The following CTNNA2 variants were observed in gnomAD, a reference collection of about 807,000 sequenced individuals.
CTNNA2 encodes the protein catenin alpha-2.
Under a neutral mutation model 101.0 loss-of-function variants are expected in CTNNA2, and 42 were observed. The ratio of observed to expected loss-of-function variants is 0.42; its 90% CI spans 0.32 to 0.54. The LOEUF is 0.54. CTNNA2 is among the 20% of genes least tolerant of loss of function. CTNNA2 has a pLI of 0.14. For missense variants in CTNNA2, 871 were observed against 1,223.1 expected, an observed-to-expected ratio of 0.71 and a Z score of 4.29; for synonymous variants, 450 against 456.4, an observed-to-expected ratio of 0.99 and a Z score of 0.18.
rs965585857 is a variant in CTNNA2, at chr2:79,819,795, A to G, written c.299-38218A>G. On this transcript the variant is annotated intron_variant, in intron 3 of 18. Coordinates refer to ENST00000402739, the MANE Select transcript of CTNNA2 (RefSeq NM_001282597.3). Reference sequence around the variant, plus strand: ...TTGTATATTTCATAATAACTGAAAGAGTGGAATTAGAATGTTCCTAACACA... The same window carrying G: ...TTGTATATTTCATAATAACTGAAAGGGTGGAATTAGAATGTTCCTAACACA... Among the ~76,000 whole-genome samples, 6 of 152,294 alleles carry G rather than the reference A, an allele frequency of 3.9e-5. No homozygotes were observed. The South Asian group carries it at 1.2e-3, about 32-fold the overall frequency.
At chr2:80,499,079 A>C (rs1687678843) in intron 9 of CTNNA2, among the ~76,000 whole-genome samples, 1 of 152,226 alleles carries the variant, frequency 6.6e-6, no homozygotes, top group African/African-American at 2.4e-5. Context: ...AGCGTTAGGA[A>C]GGGCTGTCTC....
intron 7 of CTNNA2, among the ~76,000 whole-genome samples, chr2:80,315,455 C>T (rs1678022767): frequency 6.6e-6 from 1 of 152,182 alleles, no homozygotes; most frequent in Admixed American, 6.5e-5. Context: ...GATGGCTTCA[C>T]TCACAGGGAT....
chr2:79,866,904 A>G (rs983192586), intron 4 of CTNNA2, among the ~76,000 whole-genome samples: 4 of 152,160 alleles, frequency 2.6e-5, no homozygotes, highest in African/African-American at 9.7e-5. Flanking sequence ...AGACGTGAGG[A>G]TTGGAGAAGT....
chr2:79,750,820 C>T (rs1225512159), intron 3 of CTNNA2, among the ~76,000 whole-genome samples: 11 of 150,546 alleles, frequency 7.3e-5, no homozygotes, highest in East Asian at 2.0e-4. Context: ...TGCAGTGAAC[C>T]AAGATCTTGC....
At chr2:80,264,081 A>G (rs1672819408) in intron 7 of CTNNA2, among the ~76,000 whole-genome samples, 1 of 152,190 alleles carries the variant, frequency 6.6e-6, no homozygotes, top group Admixed American at 6.5e-5. Flanking sequence ...ACTTAACCAT[A>G]AATAATAGAG....
intron 3 of CTNNA2, among the ~76,000 whole-genome samples, chr2:79,334,711 A>G (rs1298956836): frequency 1.3e-5 from 2 of 152,164 alleles, no homozygotes; most frequent in African/African-American, 2.4e-5. Context: ...CTTTGACATC[A>G]GTTAAAATGA....
intron 7 of CTNNA2, among the ~76,000 whole-genome samples, chr2:79,965,336 A>C (rs1254528214): frequency 6.6e-6 from 1 of 152,200 alleles, no homozygotes; most frequent in Non-Finnish European, 1.5e-5. Context: ...GTTACATGGA[A>C]TATGTGGGTC....
intron 18 of CTNNA2, among the ~76,000 whole-genome samples, chr2:80,624,386 T>G (rs752188650): frequency 1.4e-4 from 22 of 152,036 alleles, no homozygotes; most frequent in Non-Finnish European, 1.8e-4. Context: ...TGCTAAATTC[T>G]TTGTTGTTTG....
At chr2:80,090,221 C>T (rs1699713858) in intron 7 of CTNNA2, among the ~76,000 whole-genome samples, 1 of 149,180 alleles carries the variant, frequency 6.7e-6, no homozygotes. Flanking sequence ...TCTGTGTGTG[C>T]ATGCCTACAT....
chr2:80,638,552 C>G (rs1673111597), intron 18 of CTNNA2, among the ~76,000 whole-genome samples: 1 of 152,242 alleles, frequency 6.6e-6, no homozygotes, highest in African/African-American at 2.4e-5. Flanking sequence ...TTCCAAGGGC[C>G]AACCTGTCAG....
At chr2:79,718,289 A>G (rs1173323725) in intron 2 of CTNNA2, among the ~76,000 whole-genome samples, 1 of 152,110 alleles carries the variant, frequency 6.6e-6, no homozygotes, top group African/African-American at 2.4e-5. Context: ...AATAAAAACT[A>G]ACAGAGATTG....
intron 18 of CTNNA2, among the ~76,000 whole-genome samples, chr2:80,625,217 C>CTTTTTATTA (rs1264114100): frequency 6.6e-6 from 1 of 151,926 alleles, no homozygotes; most frequent in Admixed American, 6.6e-5. Flanking sequence ...TGGGCTTTTG[C>CTTTTTATTA]TTTTTATTAG....
chr2:79,602,655 G>A (rs912653621), intron 1 of CTNNA2, among the ~76,000 whole-genome samples: 1 of 152,052 alleles, frequency 6.6e-6, no homozygotes, highest in Non-Finnish European at 1.5e-5. Flanking sequence ...AAAGAGAAAG[G>A]TTTCTGGATA....
intron 7 of CTNNA2, among the ~76,000 whole-genome samples, chr2:80,335,028 A>G (rs1300874676): frequency 6.6e-6 from 1 of 152,222 alleles, no homozygotes; most frequent in Non-Finnish European, 1.5e-5. Context: ...AAAGGAGTAC[A>G]ATGACAGAGA....
intron 7 of CTNNA2, among the ~76,000 whole-genome samples, chr2:79,933,058 A>G (rs1687553908): frequency 6.6e-6 from 1 of 152,090 alleles, no homozygotes. Context: ...CTCTAAGTGG[A>G]GATTTTTGTT....
rs60219150 is a variant in CTNNA2 at position 79,306,045 on chromosome 2, C to CA, written c.-405-6647dup. 6.3e-3 allele frequency among the ~76,000 whole-genome samples: 501 copies of CA among 79,988 alleles called. 6 individuals carry two copies. Among genetic ancestry groups the CA allele is most frequent in the Admixed American group, 0.014 (98 of 6,808 alleles). 52.5% of individuals were successfully genotyped at this position (79,988 alleles called of 152,430 possible). A position where few individuals can be genotyped will look rare whatever the true frequency, so the allele number is the denominator to read the frequency against. ...TGGGCAACAGAGCGAGACACCATTT[C>CA]AAAAAAAAAAAAAAAAAGGCAATCT... On this transcript the variant is annotated intron_variant, in intron 2 of 21. Transcript: ENST00000466387.
At chr2:80,474,377 A>T (rs537618340) in intron 9 of CTNNA2, among the ~76,000 whole-genome samples, 1 of 160 alleles carries the variant, frequency 6.3e-3, no homozygotes, top group East Asian at 0.5. Context: ...GAGAGAATGG[A>T]GGTGGGTGTC....
chr2:79,302,640 TGA>T (rs1213382584), intron 2 of CTNNA2, among the ~76,000 whole-genome samples: 1 of 152,210 alleles, frequency 6.6e-6, no homozygotes, highest in Non-Finnish European at 1.5e-5. Context: ...GACTGTTTTT[TGA>T]GAAAGTACCC....
chr2:79,464,212 T>C (rs547396037), intron 4 of CTNNA2, among the ~76,000 whole-genome samples: 2 of 152,294 alleles, frequency 1.3e-5, no homozygotes, highest in African/African-American at 4.8e-5. Context: ...AATTCCCACC[T>C]ATGAGTGAGA....
Sources: gnomAD v4.1 joint callset for allele counts (sites outside exome capture counted in the v4.1 genomes callset) on GRCh38, gnomAD v4.1.1 for gene constraint, MANE v1.5 for transcripts, NCBI Gene and HGNC (gene_info 2026-07-23, HGNC 2026-07-21) for gene names.